TLR6: variants seen among roughly 807,000 people sequenced by gnomAD.
The protein encoded by TLR6 is toll like receptor 6.
In TLR6, 9 loss-of-function variants were observed where a neutral mutation model predicts 16.1. The observed-to-expected ratio is 0.56, with a 90% CI of 0.34 to 0.98. The LOEUF is 0.98. Among genes scored for constraint, TLR6 ranks in the 50% least tolerant of loss-of-function variants. TLR6 has a pLI of 0.02. For missense variants in TLR6, 786 were observed against 921.0 expected (o/e 0.85, Z 1.90); for synonymous variants, 340 against 338.6 (o/e 1.00, Z -0.04).
intron 1 of TLR6, among the ~76,000 whole-genome samples, chr4:38,846,420 T>A (rs555741669): frequency 6.6e-6 from 1 of 152,030 alleles, no homozygotes; most frequent in Non-Finnish European, 1.5e-5. Context: ...AAAAGAAAAA[T>A]TCACTGGATG....
In TLR6 at chr4:38,828,613, T is replaced by C. The variant is rs5743812; in HGVS notation, c.861A>G (p.Thr287=). Reference sequence around the variant, plus strand: ...CTTCTTCACGAATGCTTTCAATTATTGTTAAATTGTAAATATTGAGATATT... The same window carrying C: ...CTTCTTCACGAATGCTTTCAATTATCGTTAAATTGTAAATATTGAGATATT... Residue 287 remains threonine, a synonymous_variant, in exon 2 of 2, where the codon ACA becomes ACG. Transcript: ENST00000436693. 2.1e-3 allele frequency: 3,429 copies of C among 1,613,912 alleles called. 72 individuals are homozygous for C. In the African/African-American group the frequency reaches 0.039, roughly 19 times the overall value.
intron 1 of TLR6, among the ~76,000 whole-genome samples, chr4:38,854,942 G>GCTCA (rs892495837): frequency 1.3e-5 from 2 of 152,306 alleles, no homozygotes; most frequent in East Asian, 3.9e-4. Flanking sequence ...GGGCGCAGTG[G>GCTCA]CTCACGCCTC....
At chr4:38,862,853 C>T in the TLR6 span, among the ~76,000 whole-genome samples, 14 of 149,518 alleles carry the variant, frequency 9.4e-5, no homozygotes, top group African/African-American at 3.4e-4. Context: ...TCTTGGCCTC[C>T]CAAAGTGCTA....
At chr4:38,867,877 G>T in the TLR6 span, 1 of 176,532 alleles carries the variant, frequency 5.7e-6, no homozygotes, top group African/African-American at 2.4e-5. Flanking sequence ...TTCCCCGGGG[G>T]GCGGGCGAGC....
intron 1 of TLR6, among the ~76,000 whole-genome samples, chr4:38,845,299 T>C (rs562069865): frequency 6.6e-6 from 1 of 152,304 alleles, no homozygotes; most frequent in East Asian, 1.9e-4. Context: ...GACTCACCTA[T>C]GACAGAATAC....
At chr4:38,840,851 A>G (rs56051980) in intron 1 of TLR6, among the ~76,000 whole-genome samples, 4,849 of 152,296 alleles carry the variant, frequency 0.032, 227 homozygotes, top group African/African-American at 0.089. Context: ...CCAAACAAGC[A>G]GTGCCACATC....
chr4:38,858,992 C>T (rs1423413631), upstream of TLR6, among the ~76,000 whole-genome samples: 1 of 152,186 alleles, frequency 6.6e-6, no homozygotes, highest in East Asian at 1.9e-4. Flanking sequence ...AGGTTATCTT[C>T]TTGCCAGGCA....
exon 2 of TLR6, chr4:38,824,765 A>G (rs1020224933): frequency 6.6e-6 from 1 of 152,192 alleles, no homozygotes; most frequent in Non-Finnish European, 1.5e-5. Flanking sequence ...ATTAAGGCTT[A>G]TTTCGTTACA....
rs2109429660 is a variant in TLR6 at position 38,835,343 on chromosome 4, T to C, written c.-64-5806A>G. On this transcript the variant is annotated intron_variant, in intron 1 of 1. Transcript: ENST00000436693. ...GCTATACTTATCAGATAAAACAGAC[T>C]TTAAGTATAAAACTATTAAAAAAGA... Among the ~76,000 whole-genome samples the C allele has an allele frequency of 1.3e-5, 2 of 152,214 alleles. 1 individual carries two copies. The highest frequency in any genetic ancestry group is 4.8e-5 in the African/African-American group (2 of 41,548).
the TLR6 span, among the ~76,000 whole-genome samples, chr4:38,865,427 T>C: frequency 6.6e-6 from 1 of 152,308 alleles, no homozygotes; most frequent in South Asian, 2.1e-4. Context: ...TAGTTTGCTT[T>C]ATTTTCTTTA....
At chr4:38,853,069 A>G (rs1712831081) in intron 1 of TLR6, among the ~76,000 whole-genome samples, 1 of 151,146 alleles carries the variant, frequency 6.6e-6, no homozygotes, top group Non-Finnish European at 1.5e-5. Context: ...GGATGAGTTC[A>G]TGTCCTTTGT....
intron 1 of TLR6, among the ~76,000 whole-genome samples, chr4:38,837,520 C>T (rs1483023161): frequency 6.6e-6 from 1 of 152,200 alleles, no homozygotes; most frequent in Non-Finnish European, 1.5e-5. Context: ...CATATTCACT[C>T]ATATGTATAA....
intron 1 of TLR6, 132 bp downstream of exon 1, chr4:38,856,629 C>A (rs1372923558): frequency 4.6e-5 from 7 of 152,172 alleles, no homozygotes; most frequent in African/African-American, 1.4e-4. Flanking sequence ...ACAAAAAAAA[C>A]CACTTCAAAT....
At chr4:38,861,882 T>A in the TLR6 span, among the ~76,000 whole-genome samples, 1 of 152,314 alleles carries the variant, frequency 6.6e-6, no homozygotes, top group African/African-American at 2.4e-5. Flanking sequence ...GGTCCGTGGC[T>A]TCAAAACTAT....
At chr4:38,853,920 T>A (rs990997521) in intron 1 of TLR6, among the ~76,000 whole-genome samples, 1 of 152,212 alleles carries the variant, frequency 6.6e-6, no homozygotes, top group Non-Finnish European at 1.5e-5. Flanking sequence ...TCACTATATG[T>A]GACAAAAAGC....
chr4:38,858,772 AGAGGGAGAGAGAGAGAGAGG>A (rs1354039746), upstream of TLR6, among the ~76,000 whole-genome samples: 5 of 60,638 alleles, frequency 8.2e-5, no homozygotes, highest in East Asian at 2.0e-3. Context: ...AGAGAGAGAG[AGAGGGAGAGAGAGAGAGAGG>A]GAGAGAGAGA....
chr4:38,828,422 G>C (rs1239790003), exon 2 of TLR6: 7 of 1,614,068 alleles, frequency 4.3e-6, no homozygotes, highest in Admixed American at 1.7e-5. Flanking sequence ...TGTGCTTGGT[G>C]CATGAGGACA....
chr4:38,827,166 G>T, exon 2 of TLR6: 1 of 1,614,160 alleles, frequency 6.2e-7, no homozygotes, highest in Non-Finnish European at 8.5e-7. Context: ...AAGAGCCCAC[G>T]TTTGCTTTTC....
chr4:38,849,936 T>G (rs1201704518), intron 1 of TLR6, among the ~76,000 whole-genome samples: 1 of 152,110 alleles, frequency 6.6e-6, no homozygotes, highest in Admixed American at 6.6e-5. Flanking sequence ...GAATATATAT[T>G]TTTCTCAGCA....
Sources: allele counts gnomAD v4.1 joint callset (sites outside exome capture counted in the v4.1 genomes callset), GRCh38; gene constraint gnomAD v4.1.1; transcripts MANE v1.5; gene names NCBI Gene and HGNC (gene_info 2026-07-23, HGNC 2026-07-21).